The following CAMK2B variants were observed in gnomAD, a reference collection of about 807,000 sequenced individuals.
The protein encoded by CAMK2B is calcium/calmodulin-dependent protein kinase type II subunit beta.
CAMK2B carries 27 observed loss-of-function variants against 93.7 expected under a neutral mutation model. That is an observed-to-expected ratio of 0.29 (90% CI 0.21 to 0.40). The LOEUF is 0.40. Ranked by LOEUF, CAMK2B falls within the 10% of genes least tolerant of loss-of-function variation. The pLI, the probability that CAMK2B is intolerant of heterozygous loss-of-function variation, is 1.00. For missense variants in CAMK2B, 568 were observed against 895.8 expected (o/e 0.63, Z 4.67); for synonymous variants, 374 against 358.8 (o/e 1.04, Z -0.48).
chr7:44,220,908 G>A lies in CAMK2B; in HGVS notation c.1598-7C>T, dbSNP rs751616476. 1.3e-6 allele frequency: 2 copies of A among 1,560,140 alleles called. No individual in the cohort carries two copies. Among genetic ancestry groups the A allele is most frequent in the East Asian group, 4.8e-5 (2 of 41,970 alleles). On this transcript the variant is annotated splice_polypyrimidine_tract_variant and splice_region_variant and intron_variant, in intron 20 of 23. Coordinates refer to ENST00000395749, the MANE Select transcript of CAMK2B (RefSeq NM_001220.5). ...ATGATCTCCTGCTTCCGGGCTGTGG[G>A]GAGACATGGCCAGGTGACCACTGGG...
chr7:44,246,924 C>G (rs1478324515), intron 6 of CAMK2B, among the ~76,000 whole-genome samples, 196 bp downstream of exon 6: 2 of 151,708 alleles, frequency 1.3e-5, no homozygotes, highest in African/African-American at 4.8e-5. Context: ...ACCATCCACA[C>G]AGGACATGCA....
chr7:44,291,231 G>C (rs1415166390), intron 1 of CAMK2B, among the ~76,000 whole-genome samples: 1 of 152,154 alleles, frequency 6.6e-6, no homozygotes, highest in Non-Finnish European at 1.5e-5. Context: ...GAGAGTGTTG[G>C]GGTTCCGCCA....
intron 1 of CAMK2B, among the ~76,000 whole-genome samples, chr7:44,305,361 A>T (rs1309217470): frequency 6.6e-6 from 1 of 152,174 alleles, no homozygotes; most frequent in Non-Finnish European, 1.5e-5. Context: ...GCTCATGCCT[A>T]TAATCCCAGC....
intron 2 of CAMK2B, among the ~76,000 whole-genome samples, chr7:44,280,346 C>T (rs1397638415): frequency 2.0e-5 from 3 of 152,174 alleles, no homozygotes; most frequent in East Asian, 3.9e-4. Context: ...AGAGGGGCCA[C>T]ACTACACACA....
intron 2 of CAMK2B, among the ~76,000 whole-genome samples, chr7:44,282,210 C>G (rs961234536): frequency 6.6e-6 from 1 of 152,218 alleles, no homozygotes; most frequent in African/African-American, 2.4e-5. Flanking sequence ...AACTGAGCAC[C>G]GCCCACTTAT....
At chr7:44,250,191 C>T (rs1276711708) in intron 5 of CAMK2B, among the ~76,000 whole-genome samples, 1 of 152,234 alleles carries the variant, frequency 6.6e-6, no homozygotes, top group Non-Finnish European at 1.5e-5. Flanking sequence ...CCATTCAGGG[C>T]AGTCCCCTGC....
chr7:44,220,916 G>A lies in CAMK2B; in HGVS notation c.1598-15C>T. The stretch of plus-strand genomic sequence containing the variant: ...CTGCTTCCGGGCTGTGGGGAGACAT[G>A]GCCAGGTGACCACTGGGCGCTGGCC... On this transcript the variant is annotated splice_polypyrimidine_tract_variant and intron_variant, in intron 20 of 23. Coordinates refer to ENST00000395749, the MANE Select transcript of CAMK2B (RefSeq NM_001220.5). 2 of 1,556,496 alleles carry A rather than the reference G, an allele frequency of 1.3e-6. No homozygotes were observed. The highest frequency in any genetic ancestry group is 8.7e-7 in the Non-Finnish European group (1 of 1,149,262).
intron 6 of CAMK2B, 33 bp from the exon 7 acceptor site, chr7:44,243,560 T>A (rs371705141): frequency 1.3e-6 from 2 of 1,579,424 alleles, no homozygotes; most frequent in Non-Finnish European, 1.7e-6. Context: ...AGGGTGCATG[T>A]TGTTTAAACC....
intron 4 of CAMK2B, 95 bp downstream of exon 4, chr7:44,258,777 T>C (rs1209707363): frequency 9.8e-6 from 11 of 1,118,398 alleles, no homozygotes. Context: ...AGCCCACGGG[T>C]AGGGACTATT....
At chr7:44,318,067 G>A (rs993071305) in intron 1 of CAMK2B, among the ~76,000 whole-genome samples, 1 of 152,120 alleles carries the variant, frequency 6.6e-6, no homozygotes, top group African/African-American at 2.4e-5. Context: ...ATCTTCTTTG[G>A]GAGGGCCTGC....
intron 20 of CAMK2B, among the ~76,000 whole-genome samples, 192 bp downstream of exon 20, chr7:44,226,324 C>T (rs1157304754): frequency 6.6e-6 from 1 of 152,226 alleles, no homozygotes; most frequent in Non-Finnish European, 1.5e-5. Flanking sequence ...CACTTCATAA[C>T]CATAACCTCC....
chr7:44,235,948 G>A (rs1476633206), intron 13 of CAMK2B, among the ~76,000 whole-genome samples: 1 of 152,184 alleles, frequency 6.6e-6, no homozygotes, highest in Non-Finnish European at 1.5e-5. Context: ...TTTCAACCTA[G>A]GACTGCAGCG....
At chr7:44,306,992 AGGAGGAG>A in intron 1 of CAMK2B, among the ~76,000 whole-genome samples, 1 of 132,848 alleles carries the variant, frequency 7.5e-6, no homozygotes, top group Non-Finnish European at 1.6e-5. Context: ...GGGTGTGAGC[AGGAGGAG>A]GAGGGTGTGA....
At chr7:44,231,230 TGG>T (rs574608189) in intron 16 of CAMK2B, among the ~76,000 whole-genome samples, 176 bp from the exon 17 acceptor site, 70 of 152,346 alleles carry the variant, frequency 4.6e-4, no homozygotes, top group African/African-American at 1.6e-3. Context: ...ACATGCCCTC[TGG>T]CGGCTGCAGG....
At chr7:44,226,464 C>A (rs985493293) in intron 20 of CAMK2B, 52 bp downstream of exon 20, 1 of 1,344,526 alleles carries the variant, frequency 7.4e-7, no homozygotes, top group South Asian at 2.1e-5. Context: ...GGCTCGCACG[C>A]CCCGAGCCCC....
At chr7:44,226,022 C>T (rs2096472104) in intron 20 of CAMK2B, 11 of 808,364 alleles carry the variant, frequency 1.4e-5, no homozygotes, top group Non-Finnish European at 1.7e-5. Context: ...GCCCCAGCTG[C>T]CCCCCAGATC....
chr7:44,240,298 C>T (rs1447899685), intron 12 of CAMK2B, among the ~76,000 whole-genome samples: 2 of 152,220 alleles, frequency 1.3e-5, no homozygotes, highest in African/African-American at 2.4e-5. Flanking sequence ...AGGAGGCCCC[C>T]GAGCCTCCCG....
intron 1 of CAMK2B, among the ~76,000 whole-genome samples, chr7:44,304,292 C>T (rs140597365): frequency 1.7e-3 from 258 of 152,326 alleles, no homozygotes; most frequent in African/African-American, 5.6e-3. Flanking sequence ...TACCCGCAAA[C>T]GGATGTTTAT....
chr7:44,254,444 C>T (rs2096813005), intron 5 of CAMK2B, 98 bp downstream of exon 5: 2 of 881,380 alleles, frequency 2.3e-6, no homozygotes, highest in African/African-American at 3.3e-5. Context: ...ATGCTCAGCA[C>T]CAGACGTGGG....
Sources: allele counts gnomAD v4.1 joint callset (sites outside exome capture counted in the v4.1 genomes callset), GRCh38; gene constraint gnomAD v4.1.1; transcripts MANE v1.5; gene names NCBI Gene and HGNC (gene_info 2026-07-23, HGNC 2026-07-21).